GRIN2D: variants seen among roughly 807,000 people sequenced by gnomAD.
The protein encoded by GRIN2D is glutamate receptor ionotropic, NMDA 2D.
Under a neutral mutation model 103.2 loss-of-function variants are expected in GRIN2D, and 37 were observed. The observed-to-expected ratio is 0.36, with a 90% CI of 0.28 to 0.47. The LOEUF is 0.47. Ranked by LOEUF, GRIN2D falls within the 20% of genes least tolerant of loss-of-function variation. GRIN2D has a pLI of 1.00. For missense variants in GRIN2D, 1,557 were observed against 1,910.6 expected (o/e 0.81, Z 3.45); for synonymous variants, 845 against 885.6 (o/e 0.95, Z 0.81).
At chr19:48,436,872 G>A (rs1237520532) in intron 11 of GRIN2D, among the ~76,000 whole-genome samples, 1 of 152,098 alleles carries the variant, frequency 6.6e-6, no homozygotes, top group East Asian at 1.9e-4. Context: ...AGGGCAGATG[G>A]GTAAGGAGGG....
chr19:48,429,493 G>A (rs1465916796), intron 11 of GRIN2D, among the ~76,000 whole-genome samples: 1 of 152,028 alleles, frequency 6.6e-6, no homozygotes, highest in Non-Finnish European at 1.5e-5. Flanking sequence ...TCTGCCTCCT[G>A]GGTTCAAGTG....
intron 11 of GRIN2D, among the ~76,000 whole-genome samples, chr19:48,439,043 G>A (rs1017754571): frequency 7.3e-5 from 11 of 149,894 alleles, no homozygotes; most frequent in African/African-American, 2.7e-4. Flanking sequence ...GCCTCCCAAA[G>A]TGTTGGGATT....
chr19:48,409,066 G>A (rs1970824205), intron 4 of GRIN2D, among the ~76,000 whole-genome samples: 1 of 151,894 alleles, frequency 6.6e-6, no homozygotes, highest in Non-Finnish European at 1.5e-5. Context: ...CGTCTGATGA[G>A]GGTCTTCTTT....
chr19:48,402,306 G>GT (rs1323046761), intron 3 of GRIN2D, among the ~76,000 whole-genome samples: 1 of 152,096 alleles, frequency 6.6e-6, no homozygotes, highest in Non-Finnish European at 1.5e-5. Context: ...AGAAGACTTG[G>GT]AGATGGCTGA....
Position 48,443,291 on chromosome 19 carries a change from G to T in GRIN2D, c.3365G>T (p.Gly1122Val), listed in dbSNP as rs1397068077. Residue 1122 changes from glycine (G) to valine (V), a missense_variant, in exon 14 of 14, where the codon GGC becomes GTC. By Grantham distance (109) the Gly-to-Val change is moderately radical. Coordinates refer to ENST00000263269, the MANE Select transcript of GRIN2D (RefSeq NM_000836.4). This position sits in a 1 kb window ranked among gnomAD's most constrained non-coding sequence, Gnocchi z 8.9. Reference sequence around the variant, plus strand: ...GACTCGGAGGACTCGGAGAGCCTGGGCGGCGCGTCGCTGGGCGGCCTGGAG... The same window carrying T: ...GACTCGGAGGACTCGGAGAGCCTGGTCGGCGCGTCGCTGGGCGGCCTGGAG... ...PSDSEDSESL[G>V]GASLGGLEPW... The T allele has an allele frequency of 6.5e-7, 1 of 1,541,414 alleles. No homozygotes were observed. Among genetic ancestry groups the T allele is most frequent in the Admixed American group, 1.9e-5 (1 of 53,834 alleles).
In GRIN2D at chr19:48,424,464, G is replaced by A. The variant is rs182233525; in HGVS notation, c.2252+2519G>A. Among the ~76,000 whole-genome samples the A allele has an allele frequency of 3.3e-3, 494 of 150,536 alleles. 3 individuals are homozygous for A. The highest frequency in any genetic ancestry group is 4.5e-3 in the Non-Finnish European group (305 of 67,612). On this transcript the variant is annotated intron_variant, in intron 11 of 13. Transcript: ENST00000263269. ...TTTTTGTATTTTTAATAGAGACGGGGTTTCACCGTGTTAGCCAGGATGGTC... is the reference window on the plus strand; with the variant it reads ...TTTTTGTATTTTTAATAGAGACGGGATTTCACCGTGTTAGCCAGGATGGTC...
chr19:48,443,829 G>C lies in GRIN2D; in HGVS notation c.3903G>C (p.Ala1301=). Residue 1301 remains alanine (A), a synonymous_variant, in exon 14 of 14, where the codon GCG becomes GCC. Coordinates refer to ENST00000263269, the MANE Select transcript of GRIN2D (RefSeq NM_000836.4). This position sits in a 1 kb window ranked among gnomAD's most constrained non-coding sequence, Gnocchi z 8.9. ...SRHARRCPHA[A]HWGPPLPTAS... ...ACGCTCGCAGGTGTCCGCACGCCGC[G>C]CACTGGGGGCCGCCGCTGCCCACAG... 2 of 1,481,588 alleles carry C rather than the reference G, an allele frequency of 1.3e-6. No individual in the cohort carries two copies. The highest frequency in any genetic ancestry group is 1.8e-6 in the Non-Finnish European group (2 of 1,124,344). The allele number at this position is 1,481,588 out of a possible 1,614,324, so 91.8% of individuals were successfully genotyped here.
In GRIN2D at chr19:48,443,238, T is replaced by C; in HGVS notation, c.3312T>C (p.Pro1104=). ...GCCGCGCCGCGCCGCCCCCGTGCCC[T>C]TACCTCGATCTCGAGCCGTCGCCGT... ...PPCRAAPPPC[P]YLDLEPSPSD... The change falls in exon 14 of 14, where the codon CCT becomes CCC. Residue 1104 remains proline (P), a synonymous_variant. Coordinates refer to ENST00000263269, the MANE Select transcript of GRIN2D (RefSeq NM_000836.4). This position sits in a 1 kb window ranked among gnomAD's most constrained non-coding sequence, Gnocchi z 8.9. 7.5e-7 allele frequency: 1 copy of C among 1,338,368 alleles called. No homozygotes were observed. 82.9% of individuals were successfully genotyped at this position (1,338,368 alleles called of 1,614,324 possible).
At chr19:48,437,012 G>C (rs1971240495) in intron 11 of GRIN2D, among the ~76,000 whole-genome samples, 1 of 152,188 alleles carries the variant, frequency 6.6e-6, no homozygotes, top group South Asian at 2.1e-4. Context: ...GATCCCTCTG[G>C]TGACAGAGTG....
rs2147478270 is a variant in GRIN2D, at chr19:48,443,863, C to T, written c.3937C>T (p.Arg1313Trp). The part of the protein sequence containing the change: ...WGPPLPTASH[R>W]RHRGGDLGTR... ...GCCGCCGCTGCCCACAGCTTCCCAC[C>T]GGAGACACCGGGGCGGGGACCTGGG... Residue 1313 changes from arginine to tryptophan, a missense_variant, in exon 14 of 14, where the codon CGG (arginine) becomes TGG (tryptophan). By Grantham distance (101) the Arg-to-Trp change is moderately radical (BLOSUM62 -3). Transcript: ENST00000263269. This position sits in a 1 kb window ranked among gnomAD's most constrained non-coding sequence, Gnocchi z 8.9. 6.7e-7 allele frequency: 1 copy of T among 1,483,244 alleles called. No individual in the cohort carries two copies. The highest frequency in any genetic ancestry group is 2.3e-5 in the Admixed American group (1 of 43,872). 91.9% of individuals were successfully genotyped at this position (1,483,244 alleles called of 1,614,324 possible). A position where few individuals can be genotyped will look rare whatever the true frequency, so the allele number is the denominator to read the frequency against.
In GRIN2D at chr19:48,404,973, G is replaced by C. The variant is rs748558946; in HGVS notation, c.705G>C (p.Gln235His). 3.7e-6 allele frequency: 6 copies of C among 1,612,288 alleles called. No homozygotes were observed. Among genetic ancestry groups the C allele is most frequent in the South Asian group, 1.1e-5 (1 of 91,026 alleles). Residue 235 changes from glutamine to histidine, a missense_variant, in exon 4 of 14, where the codon CAG becomes CAC. Around this residue, in one of 7 missense-constraint regions of GRIN2D, gnomAD observed 490 missense variants for 601.1 expected, o/e 0.82. Transcript: ENST00000263269. The stretch of plus-strand genomic sequence containing the variant: ...CGGGCGAGGCCGTGCTCAGTGCCCA[G>C]CTCCGCAGTGTCAGCGCGCAGATCC... The part of the protein sequence containing the change: ...PGAGEAVLSA[Q>H]LRSVSAQIRL...
At chr19:48,427,721 T>C (rs1023471402) in intron 11 of GRIN2D, among the ~76,000 whole-genome samples, 28 of 152,034 alleles carry the variant, frequency 1.8e-4, no homozygotes, top group African/African-American at 6.5e-4. Context: ...GACCTTGTGA[T>C]CCGCCCGTCT....
chr19:48,398,114 C>G (rs919554196), intron 2 of GRIN2D, among the ~76,000 whole-genome samples: 1 of 150,894 alleles, frequency 6.6e-6, no homozygotes, highest in Non-Finnish European at 1.5e-5. Context: ...TCTCTCTCTA[C>G]CTCTGCCCGT....
chr19:48,432,936 G>C (rs1280215859), intron 11 of GRIN2D, among the ~76,000 whole-genome samples: 1 of 150,582 alleles, frequency 6.6e-6, no homozygotes, highest in Admixed American at 6.6e-5. Context: ...TTCTACAGGC[G>C]CCCGCAACCA....
At chr19:48,413,921 C>G in intron 4 of GRIN2D, 70 bp from the exon 5 acceptor site, 1 of 873,272 alleles carries the variant, frequency 1.1e-6, no homozygotes, top group Non-Finnish European at 2.0e-6. Flanking sequence ...AGAAAGGGGA[C>G]TTTCTCTGCC....
chr19:48,399,867 G>A (rs1420510466), intron 3 of GRIN2D, among the ~76,000 whole-genome samples: 1 of 151,348 alleles, frequency 6.6e-6, no homozygotes, highest in Non-Finnish European at 1.5e-5. Context: ...AAGGGGGCGG[G>A]GCTAGCCAGT....
In GRIN2D at chr19:48,442,054, G is replaced by C; in HGVS notation, c.2441-96G>C. The stretch of plus-strand genomic sequence containing the variant: ...GACAAAGACCCGGACACCAGGGTCT[G>C]AGGGAGGAAGGGGCTAAGGGCCTAC... On this transcript the variant is annotated intron_variant, in intron 12 of 13. Transcript: ENST00000263269. This position sits in a 1 kb window ranked among gnomAD's most constrained non-coding sequence, Gnocchi z 7.2. 1 of 1,501,846 alleles carries C rather than the reference G, an allele frequency of 6.7e-7. No individual in the cohort carries two copies. The highest frequency in any genetic ancestry group is 1.2e-5 in the South Asian group (1 of 85,402). The allele number at this position is 1,501,846 out of a possible 1,614,324, so 93.0% of individuals were successfully genotyped here. A position where few individuals can be genotyped will look rare whatever the true frequency, so the allele number is the denominator to read the frequency against.
intron 7 of GRIN2D, 83 bp downstream of exon 7, chr19:48,415,115 A>T: frequency 7.8e-7 from 1 of 1,278,744 alleles, no homozygotes; most frequent in Non-Finnish European, 1.1e-6. Context: ...TCACGCCTGT[A>T]ATCCCAGCAC....
chr19:48,419,463 C>A, intron 9 of GRIN2D, 104 bp downstream of exon 9: 1 of 1,442,288 alleles, frequency 6.9e-7, no homozygotes, highest in Non-Finnish European at 9.4e-7. Context: ...CAAGCTAGGG[C>A]CTCTCGGGAG....
Sources: gnomAD v4.1 joint callset for allele counts (sites outside exome capture counted in the v4.1 genomes callset) on GRCh38, gnomAD v4.1.1 for gene constraint, gnomAD v4.1.1 regional missense constraint, Gnocchi (gnomAD v3.1) non-coding constraint, MANE v1.5 for transcripts, NCBI Gene and HGNC (gene_info 2026-07-23, HGNC 2026-07-21) for gene names.